Variants in CSMD1 observed in about 807,000 individuals in gnomAD.
CSMD1 encodes CUB and Sushi multiple domains 1.
CSMD1 carries 213 observed loss-of-function variants against 417.5 expected under a neutral mutation model. The ratio of observed to expected loss-of-function variants is 0.51; its 90% CI spans 0.46 to 0.57. CSMD1 has a LOEUF of 0.57. CSMD1 is among the 20% of genes least tolerant of loss of function. The pLI, the probability that CSMD1 is intolerant of heterozygous loss-of-function variation, is 0.00. For missense variants in CSMD1, 6,923 were observed against 4,529.7 expected, an observed-to-expected ratio of 1.53 and a Z score of -15.17; for synonymous variants, 2,862 against 1,736.8, an observed-to-expected ratio of 1.65 and a Z score of -16.11.
At chr8:3,353,224 TG>T (rs1457371660) in intron 21 of CSMD1, among the ~76,000 whole-genome samples, 1 of 152,206 alleles carries the variant, frequency 6.6e-6, no homozygotes. Context: ...ACTTTCTGAA[TG>T]GGATGGGTTA....
intron 2 of CSMD1, among the ~76,000 whole-genome samples, chr8:4,558,394 T>A (rs537856741): frequency 2.0e-5 from 3 of 152,324 alleles, no homozygotes; most frequent in African/African-American, 7.2e-5. Context: ...ATTTTTCAAA[T>A]TAATAATCTT....
chr8:4,957,434 C>T (rs1015527501), intron 1 of CSMD1, among the ~76,000 whole-genome samples: 27 of 152,322 alleles, frequency 1.8e-4, no homozygotes, highest in African/African-American at 4.8e-4. Context: ...ATGTAACAGG[C>T]GCTTTCTTCT....
chr8:4,783,098 A>T (rs1194380258), intron 1 of CSMD1, among the ~76,000 whole-genome samples: 5 of 152,210 alleles, frequency 3.3e-5, no homozygotes, highest in Non-Finnish European at 1.5e-5. Flanking sequence ...AATTCAGTCC[A>T]CAGATATTCA....
intron 2 of CSMD1, among the ~76,000 whole-genome samples, chr8:4,426,634 G>A (rs374113900): frequency 4.5e-5 from 4 of 88,022 alleles, no homozygotes; most frequent in East Asian, 2.8e-4. Flanking sequence ...ATATAATATA[G>A]TAATATTTTG....
At chr8:3,628,690 C>A (rs944301969) in intron 7 of CSMD1, among the ~76,000 whole-genome samples, 1 of 151,954 alleles carries the variant, frequency 6.6e-6, no homozygotes, top group Non-Finnish European at 1.5e-5. Flanking sequence ...GGGGCAGACT[C>A]ACAGAAAGAA....
chr8:4,746,144 G>C (rs1025034281), intron 1 of CSMD1, among the ~76,000 whole-genome samples: 4 of 152,160 alleles, frequency 2.6e-5, no homozygotes, highest in Non-Finnish European at 5.9e-5. Flanking sequence ...TTTGGGCCCT[G>C]TTTCTTGGGC....
rs933041809 is a variant in CSMD1, at chr8:4,348,599, G to A, written c.415+71354C>T. Among the ~76,000 whole-genome samples the A allele has an allele frequency of 7.5e-5, 11 of 146,306 alleles. 1 individual carries two copies. The South Asian group carries it at 8.8e-4, about 12-fold the overall frequency. ...TGTGTGTGTATGCATGTGTGTGTGC[G>A]TGGGTGTGTTGGGGGTGGGGGAGGG... On this transcript the variant is annotated intron_variant, in intron 3 of 69. Coordinates refer to ENST00000635120, the MANE Select transcript of CSMD1 (RefSeq NM_033225.6).
intron 3 of CSMD1, among the ~76,000 whole-genome samples, chr8:4,291,640 C>T (rs1002342189): frequency 6.6e-6 from 1 of 152,094 alleles, no homozygotes; most frequent in Non-Finnish European, 1.5e-5. Context: ...TAAATTATAG[C>T]CGCAATATGG....
chr8:4,040,606 G>A (rs879408604), intron 3 of CSMD1, among the ~76,000 whole-genome samples: 1 of 152,120 alleles, frequency 6.6e-6, no homozygotes, highest in Non-Finnish European at 1.5e-5. Context: ...TATATGGATT[G>A]GGGAGACTTA....
intron 23 of CSMD1, among the ~76,000 whole-genome samples, chr8:3,319,315 G>T (rs915063242): frequency 6.6e-6 from 1 of 152,156 alleles, no homozygotes; most frequent in Non-Finnish European, 1.5e-5. Flanking sequence ...TAGAACCACT[G>T]CAGAGTCTTC....
intron 41 of CSMD1, among the ~76,000 whole-genome samples, chr8:3,120,463 T>G (rs1181872413): frequency 2.0e-5 from 3 of 152,200 alleles, no homozygotes; most frequent in Non-Finnish European, 4.4e-5. Flanking sequence ...TGCCAAATGT[T>G]AAGCATTCCA....
rs989737847 is a variant in CSMD1 at position 3,468,640 on chromosome 8, C to T, written c.1561+72G>A. 7 of 903,972 alleles carry T rather than the reference C, an allele frequency of 7.7e-6. No individual in the cohort carries two copies. The Admixed American group carries it at 1.6e-4, about 21-fold the overall frequency. 56.0% of individuals were successfully genotyped at this position (903,972 alleles called of 1,614,324 possible). On this transcript the variant is annotated intron_variant, in intron 12 of 69. Coordinates refer to ENST00000635120, the MANE Select transcript of CSMD1 (RefSeq NM_033225.6). ...ACTTGTTGATTTTACTTCTACCTAACCAACACAGAATGCTCTCTGCCCTCT... is the reference window on the plus strand; with the variant it reads ...ACTTGTTGATTTTACTTCTACCTAATCAACACAGAATGCTCTCTGCCCTCT...
At chr8:4,272,095 C>T (rs765051607) in intron 3 of CSMD1, among the ~76,000 whole-genome samples, 1 of 152,112 alleles carries the variant, frequency 6.6e-6, no homozygotes, top group Non-Finnish European at 1.5e-5. Context: ...ATCAACTGTA[C>T]ACCCACACCT....
At chr8:4,516,934 T>G (rs774147525) in intron 2 of CSMD1, among the ~76,000 whole-genome samples, 1 of 152,154 alleles carries the variant, frequency 6.6e-6, no homozygotes, top group Non-Finnish European at 1.5e-5. Context: ...GACTCAGAAT[T>G]ATTAATTTCA....
At chr8:4,846,309 A>G (rs1801141946) in intron 1 of CSMD1, among the ~76,000 whole-genome samples, 1 of 152,206 alleles carries the variant, frequency 6.6e-6, no homozygotes, top group Admixed American at 6.5e-5. Context: ...ATACCTTACT[A>G]TCTAACAGCC....
At chr8:3,388,318 A>G (rs6558765) in intron 17 of CSMD1, among the ~76,000 whole-genome samples, 87,684 of 152,120 alleles carry the variant, frequency 0.58, 25,748 homozygotes, top group South Asian at 0.67. Flanking sequence ...TTATGATCAT[A>G]TCATTATGAG....
intron 2 of CSMD1, among the ~76,000 whole-genome samples, chr8:4,445,423 C>T (rs541650562): frequency 2.0e-5 from 3 of 152,300 alleles, no homozygotes; most frequent in Non-Finnish European, 4.4e-5. Flanking sequence ...CTATTTCTTA[C>T]TGTACCAAAT....
chr8:3,997,567 C>T (rs966378661), intron 5 of CSMD1, among the ~76,000 whole-genome samples: 2 of 152,178 alleles, frequency 1.3e-5, no homozygotes, highest in Admixed American at 6.5e-5. Context: ...AATACACAAT[C>T]TAAAAATCTC....
At chr8:4,352,128 C>A (rs975725823) in intron 3 of CSMD1, among the ~76,000 whole-genome samples, 10 of 152,218 alleles carry the variant, frequency 6.6e-5, no homozygotes, top group African/African-American at 1.2e-4. Flanking sequence ...GGTGGACTGG[C>A]CTGTGGCCCC....
Sources: gnomAD v4.1 joint callset for allele counts (sites outside exome capture counted in the v4.1 genomes callset) on GRCh38, gnomAD v4.1.1 for gene constraint, MANE v1.5 for transcripts, NCBI Gene and HGNC (gene_info 2026-07-23, HGNC 2026-07-21) for gene names.